Variants in PARD3B observed in about 807,000 individuals in gnomAD.
PARD3B encodes the protein par-3 family cell polarity regulator beta.
In PARD3B, 103 loss-of-function variants were observed where a neutral mutation model predicts 130.2. The ratio of observed to expected loss-of-function variants is 0.79; its 90% CI spans 0.67 to 0.93. The LOEUF is 0.93. Ranked by LOEUF, PARD3B falls within the 40% of genes least tolerant of loss-of-function variation. PARD3B has a pLI of 0.00. For synonymous variants in PARD3B, 583 were observed against 553.2 expected (o/e 1.05, Z -0.76); for missense variants, 1,609 against 1,499.2 (o/e 1.07, Z -1.21).
chr2:205,583,681 A>G (rs2054088299), intron 22 of PARD3B, among the ~76,000 whole-genome samples: 2 of 152,232 alleles, frequency 1.3e-5, no homozygotes, highest in South Asian at 4.1e-4. Flanking sequence ...AAATGCAACC[A>G]AAATGAATCA....
chr2:205,472,168 A>G (rs1292225884), intron 20 of PARD3B, among the ~76,000 whole-genome samples: 1 of 152,206 alleles, frequency 6.6e-6, no homozygotes. Context: ...GTAACATAGG[A>G]TGCATAAAAC....
At chr2:204,609,197 G>A (rs2033838187) in intron 1 of PARD3B, among the ~76,000 whole-genome samples, 1 of 152,150 alleles carries the variant, frequency 6.6e-6, no homozygotes, top group Non-Finnish European at 1.5e-5. Flanking sequence ...AGTGTATCAA[G>A]TTAAAGCATA....
chr2:204,738,668 G>A (rs1210006515), intron 2 of PARD3B, among the ~76,000 whole-genome samples: 6 of 152,022 alleles, frequency 3.9e-5, no homozygotes, highest in Non-Finnish European at 8.8e-5. Context: ...TGCAGAGTTT[G>A]ACCTCCTAGA....
chr2:204,709,963 A>G (rs543069932), intron 2 of PARD3B, among the ~76,000 whole-genome samples: 1 of 152,356 alleles, frequency 6.6e-6, no homozygotes, highest in South Asian at 2.1e-4. Flanking sequence ...TAAAGAAATC[A>G]TAATTAAATA....
chr2:205,335,793 A>T (rs2043293682), intron 18 of PARD3B, among the ~76,000 whole-genome samples: 1 of 152,188 alleles, frequency 6.6e-6, no homozygotes, highest in Non-Finnish European at 1.5e-5. Context: ...CCTGTTTTTA[A>T]AACCATCAGA....
chr2:204,978,791 G>A (rs1692409611), intron 3 of PARD3B, among the ~76,000 whole-genome samples: 1 of 151,860 alleles, frequency 6.6e-6, no homozygotes, highest in African/African-American at 2.4e-5. Context: ...GCAAAACTCT[G>A]TCTCTACTAA....
At chr2:205,018,741 A>AAAAAAAAAAAAAAAAC (rs1696357651) in intron 3 of PARD3B, among the ~76,000 whole-genome samples, 1 of 149,578 alleles carries the variant, frequency 6.7e-6, no homozygotes, top group Non-Finnish European at 1.5e-5. Context: ...AAAAAAAAAA[A>AAAAAAAAAAAAAAAAC]AAAAAAAAAG....
chr2:204,639,802 CTAT>C (rs1157701487), intron 1 of PARD3B, among the ~76,000 whole-genome samples: 5 of 152,074 alleles, frequency 3.3e-5, no homozygotes, highest in African/African-American at 9.7e-5. Flanking sequence ...AAGATACATC[CTAT>C]TATTATCTTC....
At chr2:204,921,033 T>C (rs975371292) in intron 2 of PARD3B, among the ~76,000 whole-genome samples, 6 of 152,226 alleles carry the variant, frequency 3.9e-5, no homozygotes, top group African/African-American at 1.4e-4. Context: ...AAATGATGCT[T>C]GAGCACTAAG....
intron 2 of PARD3B, among the ~76,000 whole-genome samples, chr2:204,706,321 C>T (rs1463540260): frequency 1.3e-4 from 19 of 150,178 alleles, no homozygotes; most frequent in Admixed American, 2.7e-4. Context: ...GAGCTAAGAT[C>T]GCACCACTGC....
At chr2:204,603,689 C>T (rs2033601936) in intron 1 of PARD3B, among the ~76,000 whole-genome samples, 1 of 152,030 alleles carries the variant, frequency 6.6e-6, no homozygotes, top group African/African-American at 2.4e-5. Flanking sequence ...TTGATCACTC[C>T]AGCACAATTG....
At chr2:205,388,887 A>C (rs2045755071) in intron 18 of PARD3B, among the ~76,000 whole-genome samples, 1 of 152,178 alleles carries the variant, frequency 6.6e-6, no homozygotes, top group Non-Finnish European at 1.5e-5. Flanking sequence ...GATAACAACT[A>C]TACTTAAAAT....
At chr2:204,786,825 G>C (rs1341633783) in intron 2 of PARD3B, among the ~76,000 whole-genome samples, 1 of 151,480 alleles carries the variant, frequency 6.6e-6, no homozygotes. Context: ...ATGCCCTGGG[G>C]ATCAAATACT....
At chr2:205,383,493 A>G (rs948000778) in intron 18 of PARD3B, among the ~76,000 whole-genome samples, 1 of 151,730 alleles carries the variant, frequency 6.6e-6, no homozygotes, top group Non-Finnish European at 1.5e-5. Context: ...ATACTTAGTT[A>G]TTTTCTTTCT....
chr2:204,809,643 G>T (rs1473466301), intron 2 of PARD3B, among the ~76,000 whole-genome samples: 1 of 152,082 alleles, frequency 6.6e-6, no homozygotes, highest in Admixed American at 6.6e-5. Context: ...GGTTATTGTA[G>T]CCCCATAGTA....
chr2:205,522,380 T>G (rs1340016379), intron 21 of PARD3B, among the ~76,000 whole-genome samples: 11 of 152,048 alleles, frequency 7.2e-5, no homozygotes, highest in Non-Finnish European at 1.0e-4. Flanking sequence ...AGGTTTTTTA[T>G]TTAAGTTTTT....
At chr2:204,760,379 C>G (rs991131504) in intron 2 of PARD3B, among the ~76,000 whole-genome samples, 2 of 151,652 alleles carry the variant, frequency 1.3e-5, no homozygotes, top group Non-Finnish European at 2.9e-5. Flanking sequence ...TAAATCATGA[C>G]AAAAAGCTTA....
intron 21 of PARD3B, among the ~76,000 whole-genome samples, chr2:205,537,415 T>A (rs369091577): frequency 1.3e-5 from 2 of 152,216 alleles, no homozygotes; most frequent in African/African-American, 4.8e-5. Context: ...CTGGTTCTCC[T>A]GTCTGCTGAC....
chr2:205,535,215 T>C (rs1022642863), intron 21 of PARD3B, among the ~76,000 whole-genome samples: 3 of 152,172 alleles, frequency 2.0e-5, no homozygotes, highest in Non-Finnish European at 2.9e-5. Flanking sequence ...CCACTAATCA[T>C]GTACATCACA....
Sources: gnomAD v4.1 joint callset for allele counts (sites outside exome capture counted in the v4.1 genomes callset) on GRCh38, gnomAD v4.1.1 for gene constraint, MANE v1.5 for transcripts, NCBI Gene and HGNC (gene_info 2026-07-23, HGNC 2026-07-21) for gene names.